The following ERBB4 variants were observed in gnomAD, a reference collection of about 807,000 sequenced individuals.
The protein encoded by ERBB4 is receptor tyrosine-protein kinase erbB-4.
Under a neutral mutation model 158.0 loss-of-function variants are expected in ERBB4, and 42 were observed. The observed-to-expected ratio is 0.27, with a 90% confidence interval of 0.21 to 0.34. The LOEUF (loss-of-function observed/expected upper bound fraction) is 0.34, where lower values mean the gene tolerates loss of function less well. ERBB4 is among the 10% of genes least tolerant of loss of function. The probability of loss-of-function intolerance (pLI) is 1.00; values close to 1 mark genes in which losing one functional copy is unlikely to be tolerated. For missense variants in ERBB4, 1,333 were observed against 1,624.1 expected (o/e 0.82, Z 3.08); for synonymous variants, 583 against 558.7 (o/e 1.04, Z -0.61).
chr2:211,681,623 T>C (rs919104685), intron 12 of ERBB4, among the ~76,000 whole-genome samples: 9 of 152,196 alleles, frequency 5.9e-5, no homozygotes, highest in Non-Finnish European at 1.0e-4. Context: ...ATTAAAAATG[T>C]TGAATATCTT....
chr2:211,975,274 C>T (rs368483733), intron 2 of ERBB4, among the ~76,000 whole-genome samples: 6 of 152,172 alleles, frequency 3.9e-5, no homozygotes, highest in African/African-American at 1.2e-4. Flanking sequence ...GAGCCACCAC[C>T]GTGGCTCCCC....
intron 3 of ERBB4, among the ~76,000 whole-genome samples, chr2:211,801,874 TAGAA>T: frequency 6.6e-6 from 1 of 152,288 alleles, no homozygotes; most frequent in South Asian, 2.1e-4. Context: ...GAATCTTACA[TAGAA>T]AATTAAGCTC....
At chr2:211,826,902 A>G (rs2077110910) in intron 3 of ERBB4, among the ~76,000 whole-genome samples, 1 of 151,910 alleles carries the variant, frequency 6.6e-6, no homozygotes, top group South Asian at 2.1e-4. Flanking sequence ...CCCAACTGTT[A>G]TTTGCAGAGA....
At chr2:212,493,049 T>C (rs1012438377) in intron 1 of ERBB4, among the ~76,000 whole-genome samples, 1 of 151,484 alleles carries the variant, frequency 6.6e-6, no homozygotes, top group Non-Finnish European at 1.5e-5. Flanking sequence ...AGTGAACGTA[T>C]GGTGTTAAAT....
chr2:212,283,017 A>G (rs571812063), intron 1 of ERBB4, among the ~76,000 whole-genome samples: 1 of 152,040 alleles, frequency 6.6e-6, no homozygotes, highest in Admixed American at 6.6e-5. Flanking sequence ...CTGGGCATTC[A>G]TACTCGGTCT....
At chr2:211,979,641 G>A (rs2081733644) in intron 2 of ERBB4, among the ~76,000 whole-genome samples, 1 of 152,090 alleles carries the variant, frequency 6.6e-6, no homozygotes, top group African/African-American at 2.4e-5. Flanking sequence ...GTACAAGTTA[G>A]TTGTTTGAAA....
chr2:212,319,644 C>CATATAAGTAT, intron 1 of ERBB4, among the ~76,000 whole-genome samples: 1 of 150,314 alleles, frequency 6.7e-6, no homozygotes, highest in Middle Eastern at 3.4e-3. Context: ...CTTTGAATTG[C>CATATAAGTAT]ATATAAGTAT....
Position 211,580,833 on chromosome 2 carries a change from TAG to T in ERBB4, c.2302-18747_2302-18746del, listed in dbSNP as rs1491207745. Among the ~76,000 whole-genome samples the T allele has an allele frequency of 1.2e-3, 41 of 33,712 alleles. 1 individual carries two copies. In the East Asian group the frequency reaches 0.014, roughly 11 times the overall value. The allele number at this position is 33,712 out of a possible 152,430, so 22.1% of individuals were successfully genotyped here. On this transcript the variant is annotated intron_variant, in intron 19 of 27. Transcript: ENST00000342788. ...ATATAATATATATATATTATATATATAGATTATATATTATATATATAGTATGC... is the reference window on the plus strand; with the variant it reads ...ATATAATATATATATATTATATATATATTATATATTATATATATAGTATGC...
At chr2:212,336,123 A>G (rs1447797230) in intron 1 of ERBB4, among the ~76,000 whole-genome samples, 1 of 151,978 alleles carries the variant, frequency 6.6e-6, no homozygotes, top group Non-Finnish European at 1.5e-5. Context: ...CACAGGAAAA[A>G]AAATTAAATT....
At chr2:211,592,575 A>C (rs4673624) in intron 19 of ERBB4, among the ~76,000 whole-genome samples, 1 of 152,052 alleles carries the variant, frequency 6.6e-6, no homozygotes, top group East Asian at 1.9e-4. Context: ...CTGAAAGACA[A>C]AGAGGATTTC....
intron 3 of ERBB4, among the ~76,000 whole-genome samples, chr2:211,793,736 C>T (rs995222560): frequency 6.6e-6 from 1 of 151,906 alleles, no homozygotes; most frequent in Non-Finnish European, 1.5e-5. Context: ...CTTTCCCAAA[C>T]CCAGACCTTT....
intron 1 of ERBB4, among the ~76,000 whole-genome samples, chr2:212,221,568 T>C (rs1470560813): frequency 6.6e-6 from 1 of 151,526 alleles, no homozygotes; most frequent in Non-Finnish European, 1.5e-5. Flanking sequence ...AAATATACTG[T>C]ATCACTTAAC....
intron 4 of ERBB4, among the ~76,000 whole-genome samples, chr2:211,761,730 C>G (rs1298333977): frequency 6.6e-6 from 1 of 152,174 alleles, no homozygotes; most frequent in Non-Finnish European, 1.5e-5. Context: ...GAAATTAGAG[C>G]TCACAGTTTA....
chr2:211,912,920 C>A (rs571580796), intron 3 of ERBB4, among the ~76,000 whole-genome samples: 1 of 152,298 alleles, frequency 6.6e-6, no homozygotes, highest in East Asian at 1.9e-4. Context: ...CCACTTTTGA[C>A]AGGCAGGACT....
At chr2:212,536,990 T>C (rs1361427079) in intron 1 of ERBB4, among the ~76,000 whole-genome samples, 1 of 152,056 alleles carries the variant, frequency 6.6e-6, no homozygotes, top group Non-Finnish European at 1.5e-5. Context: ...CGGAGGTGGC[T>C]GGAGCGCGGG....
At chr2:212,129,502 T>C (rs1282197339) in intron 1 of ERBB4, among the ~76,000 whole-genome samples, 1 of 151,724 alleles carries the variant, frequency 6.6e-6, no homozygotes, top group African/African-American at 2.4e-5. Flanking sequence ...TTCATTTAAA[T>C]ATTTGTATGG....
chr2:211,653,976 A>T (rs1208991619), intron 16 of ERBB4, among the ~76,000 whole-genome samples: 1 of 152,108 alleles, frequency 6.6e-6, no homozygotes, highest in East Asian at 1.9e-4. Context: ...GCCCTGCCCA[A>T]AACAACTATT....
At chr2:212,454,484 A>C (rs930715328) in intron 1 of ERBB4, among the ~76,000 whole-genome samples, 1 of 152,212 alleles carries the variant, frequency 6.6e-6, no homozygotes, top group African/African-American at 2.4e-5. Flanking sequence ...TTTATGCATA[A>C]ACCACAGACT....
At chr2:212,377,541 A>C (rs989417453) in intron 1 of ERBB4, among the ~76,000 whole-genome samples, 2 of 151,832 alleles carry the variant, frequency 1.3e-5, no homozygotes, top group African/African-American at 4.8e-5. Context: ...TAAACATAGA[A>C]AAAGTACAAT....
Sources: allele counts gnomAD v4.1 joint callset (sites outside exome capture counted in the v4.1 genomes callset), GRCh38; gene constraint gnomAD v4.1.1; transcripts MANE v1.5; gene names NCBI Gene and HGNC (gene_info 2026-07-23, HGNC 2026-07-21).